AUTS2: variants seen among roughly 807,000 people sequenced by gnomAD.
AUTS2 encodes autism susceptibility gene 2 protein.
A neutral mutation model predicts 112.4 loss-of-function variants in AUTS2; 17 were observed. The observed-to-expected ratio is 0.15, with a 90% CI of 0.10 to 0.23. The LOEUF is 0.23. Ranked by LOEUF, AUTS2 falls within the 10% of genes least tolerant of loss-of-function variation. The pLI is 1.00. For synonymous variants in AUTS2, 751 were observed against 702.7 expected (o/e 1.07, Z -1.09); for missense variants, 1,510 against 1,701.6 (o/e 0.89, Z 1.98).
At chr7:70,186,014 T>G (rs886924374) in intron 4 of AUTS2, among the ~76,000 whole-genome samples, 1 of 152,202 alleles carries the variant, frequency 6.6e-6, no homozygotes, top group African/African-American at 2.4e-5. Flanking sequence ...TTGAAAGAGA[T>G]AATTGCAGGA....
chr7:70,559,270 T>C (rs1015825222), intron 5 of AUTS2, among the ~76,000 whole-genome samples: 23 of 152,130 alleles, frequency 1.5e-4, no homozygotes, highest in African/African-American at 5.6e-4. Context: ...TGAGTGTATC[T>C]TTATTAGCAG....
At chr7:70,667,109 G>A (rs1342703022) in intron 5 of AUTS2, among the ~76,000 whole-genome samples, 1 of 151,906 alleles carries the variant, frequency 6.6e-6, no homozygotes, top group Non-Finnish European at 1.5e-5. Flanking sequence ...AGGCAATTTA[G>A]TACTCAAAGG....
chr7:70,021,149 A>G (rs965309324), intron 2 of AUTS2, among the ~76,000 whole-genome samples: 1 of 151,648 alleles, frequency 6.6e-6, no homozygotes, highest in East Asian at 2.0e-4. Context: ...CACCTGGCTA[A>G]TTTTGTATTT....
At chr7:70,577,323 G>T (rs1802213092) in intron 5 of AUTS2, among the ~76,000 whole-genome samples, 1 of 152,156 alleles carries the variant, frequency 6.6e-6, no homozygotes, top group Admixed American at 6.5e-5. Flanking sequence ...GTTAAGTGAT[G>T]GGCAGACTTC....
chr7:70,265,607 A>T (rs978486952), intron 4 of AUTS2, among the ~76,000 whole-genome samples: 8 of 152,186 alleles, frequency 5.3e-5, no homozygotes, highest in African/African-American at 1.9e-4. Flanking sequence ...AATCTATAGT[A>T]GGACTGTTGA....
intron 5 of AUTS2, among the ~76,000 whole-genome samples, chr7:70,597,813 A>G (rs1803279305): frequency 6.6e-6 from 1 of 152,230 alleles, no homozygotes; most frequent in South Asian, 2.1e-4. Flanking sequence ...ACTGGTAGAT[A>G]ATTAGCACTT....
intron 5 of AUTS2, among the ~76,000 whole-genome samples, chr7:70,444,369 T>TGA (rs1410109542): frequency 3.5e-5 from 5 of 144,878 alleles, no homozygotes; most frequent in East Asian, 1.9e-4. Context: ...TGTGTGTGTG[T>TGA]GTGTGAGAGA....
At chr7:69,622,268 T>G (rs542452811) in intron 1 of AUTS2, among the ~76,000 whole-genome samples, 1 of 152,336 alleles carries the variant, frequency 6.6e-6, no homozygotes, top group Non-Finnish European at 1.5e-5. Flanking sequence ...TGCTTTAACT[T>G]GAATTTTGGT....
chr7:70,019,242 A>G (rs1800168586), intron 2 of AUTS2, among the ~76,000 whole-genome samples: 1 of 152,166 alleles, frequency 6.6e-6, no homozygotes, highest in Admixed American at 6.5e-5. Context: ...GAGGGGAACA[A>G]TACACACTGG....
chr7:69,847,450 G>A (rs1225418083), intron 1 of AUTS2, among the ~76,000 whole-genome samples: 1 of 152,194 alleles, frequency 6.6e-6, no homozygotes, highest in African/African-American at 2.4e-5. Flanking sequence ...GCTGAGTTCA[G>A]AGTGTAACAT....
chr7:69,929,968 G>A (rs1796167601), intron 2 of AUTS2, among the ~76,000 whole-genome samples: 1 of 152,072 alleles, frequency 6.6e-6, no homozygotes. Flanking sequence ...CTTTGTTCTG[G>A]GATGCAGTAA....
chr7:69,870,463 A>ATATATATATATATATG (rs1291290430), intron 1 of AUTS2, among the ~76,000 whole-genome samples: 1 of 141,518 alleles, frequency 7.1e-6, no homozygotes, highest in Non-Finnish European at 1.5e-5. Context: ...ATATATATAT[A>ATATATATATATATATG]TATGTATTCA....
intron 4 of AUTS2, among the ~76,000 whole-genome samples, chr7:70,138,984 T>C (rs1158164849): frequency 2.0e-5 from 3 of 152,186 alleles, no homozygotes; most frequent in African/African-American, 7.2e-5. Context: ...TTTTTTCTTT[T>C]TGACAGGGTC....
chr7:70,051,385 G>A (rs549015842), intron 2 of AUTS2, among the ~76,000 whole-genome samples: 7 of 152,084 alleles, frequency 4.6e-5, no homozygotes, highest in Non-Finnish European at 1.0e-4. Context: ...GCAAATAATG[G>A]TCAAAATAAA....
At chr7:69,784,577 T>C (rs954102297) in intron 1 of AUTS2, among the ~76,000 whole-genome samples, 11 of 152,190 alleles carry the variant, frequency 7.2e-5, no homozygotes, top group Non-Finnish European at 1.3e-4. Context: ...AAATCTGTTA[T>C]TTCTTTAAGA....
In AUTS2 at chr7:70,789,700, C is replaced by T. The variant is rs749595868; in HGVS notation, c.2532-48C>T. On this transcript the variant is annotated intron_variant, in intron 18 of 18. Transcript: ENST00000342771. Reference sequence around the variant, plus strand: ...CCCGCAGCCCCTGGCCCGGCCGACTCGCCCCTTTCATTTCATCTGCGTCCT... The same window carrying T: ...CCCGCAGCCCCTGGCCCGGCCGACTTGCCCCTTTCATTTCATCTGCGTCCT... The T allele has an allele frequency of 9.5e-6, 15 of 1,573,812 alleles. No homozygotes were observed. The African/African-American group carries it at 1.1e-4, about 11-fold the overall frequency.
At chr7:70,724,017 G>A (rs190988512) in intron 6 of AUTS2, among the ~76,000 whole-genome samples, 10 of 151,992 alleles carry the variant, frequency 6.6e-5, no homozygotes, top group Admixed American at 6.5e-5. Flanking sequence ...TCAGCCTCCC[G>A]AGTAGCTGGG....
At chr7:70,074,884 C>T (rs1802954616) in intron 2 of AUTS2, among the ~76,000 whole-genome samples, 1 of 152,210 alleles carries the variant, frequency 6.6e-6, no homozygotes, top group Non-Finnish European at 1.5e-5. Context: ...TTGAACCAAT[C>T]TTGGCAGGTA....
chr7:70,183,559 A>C (rs550229246), intron 4 of AUTS2, among the ~76,000 whole-genome samples: 21 of 152,212 alleles, frequency 1.4e-4, no homozygotes, highest in Non-Finnish European at 2.6e-4. Flanking sequence ...GTTCTTTGGG[A>C]GCCATGCTGA....
Sources: gnomAD v4.1 joint callset for allele counts (sites outside exome capture counted in the v4.1 genomes callset) on GRCh38, gnomAD v4.1.1 for gene constraint, MANE v1.5 for transcripts, NCBI Gene and HGNC (gene_info 2026-07-23, HGNC 2026-07-21) for gene names.